ITGA1: variants seen among roughly 807,000 people sequenced by gnomAD.
The protein encoded by ITGA1 is integrin alpha-1.
In ITGA1, 85 loss-of-function variants were observed where a neutral mutation model predicts 145.9. That is an observed-to-expected ratio of 0.58 (90% CI 0.49 to 0.70). The LOEUF is 0.70. Among genes scored for constraint, ITGA1 ranks in the 30% least tolerant of loss-of-function variants. The pLI is 0.00. For missense variants in ITGA1, 1,351 were observed against 1,418.7 expected (o/e 0.95, Z 0.77); for synonymous variants, 520 against 495.3 (o/e 1.05, Z -0.66).
chr5:52,878,374 G>A (rs1049984424), intron 6 of ITGA1, among the ~76,000 whole-genome samples: 1 of 152,202 alleles, frequency 6.6e-6, no homozygotes, highest in Admixed American at 6.5e-5. Context: ...GGATGATAGA[G>A]ATGTAAAATT....
chr5:52,938,602 A>G (rs950154883), intron 24 of ITGA1, among the ~76,000 whole-genome samples: 19 of 152,238 alleles, frequency 1.2e-4, no homozygotes, highest in Admixed American at 3.9e-4. Flanking sequence ...TGTACTTTTC[A>G]TACTGCTTAG....
At chr5:52,844,533 G>A (rs1749305043) in intron 1 of ITGA1, among the ~76,000 whole-genome samples, 1 of 152,122 alleles carries the variant, frequency 6.6e-6, no homozygotes, top group African/African-American at 2.4e-5. Context: ...GCCTTCCCAA[G>A]CTTTCTTCTC....
chr5:52,903,321 A>G (rs1369114663), intron 11 of ITGA1: 1 of 152,146 alleles, frequency 6.6e-6, no homozygotes, highest in African/African-American at 2.4e-5. Context: ...CATTTTGCAC[A>G]TTCTTCTTTT....
At chr5:52,800,786 C>G in intron 1 of ITGA1, 1 of 1,613,616 alleles carries the variant, frequency 6.2e-7, no homozygotes, top group Non-Finnish European at 8.5e-7. Context: ...GCCTGTGACC[C>G]AGCCTGGAGC....
chr5:52,951,428 A>G lies in ITGA1; in HGVS notation c.3496-979A>G, dbSNP rs1369725075. Among the ~76,000 whole-genome samples the G allele has an allele frequency of 2.0e-5, 3 of 150,496 alleles. No homozygotes were observed. The East Asian group carries it at 5.8e-4, about 29-fold the overall frequency. The stretch of plus-strand genomic sequence containing the variant: ...GTTTTGTTATTCTATAGGATGGGAA[A>G]CAATTGCAGCACTTATAACTTTTTA... On this transcript the variant is annotated intron_variant, in intron 28 of 28. Transcript: ENST00000282588.
At chr5:52,887,447 G>A (rs1289428955) in intron 7 of ITGA1, among the ~76,000 whole-genome samples, 1 of 152,142 alleles carries the variant, frequency 6.6e-6, no homozygotes, top group African/African-American at 2.4e-5. Flanking sequence ...TGTTAAATGA[G>A]AGAAGGGGTG....
At chr5:52,901,015 C>A in intron 11 of ITGA1, among the ~76,000 whole-genome samples, 1 of 152,320 alleles carries the variant, frequency 6.6e-6, no homozygotes, top group Admixed American at 6.5e-5. Flanking sequence ...TGGACCCATA[C>A]TTTGCATGGC....
chr5:52,872,432 A>T (rs1380289825), intron 6 of ITGA1, among the ~76,000 whole-genome samples: 1 of 152,092 alleles, frequency 6.6e-6, no homozygotes, highest in Non-Finnish European at 1.5e-5. Context: ...ACATTTCCCT[A>T]ATAACAAACA....
chr5:52,870,671 C>T (rs1285413179), intron 6 of ITGA1, among the ~76,000 whole-genome samples: 4 of 152,142 alleles, frequency 2.6e-5, no homozygotes, highest in African/African-American at 9.7e-5. Context: ...CAGCCTGCAT[C>T]CCCAGAGATT....
Position 52,947,207 on chromosome 5 carries a change from A to C in ITGA1, c.3379-138A>C. The C allele has an allele frequency of 3.5e-6, 2 of 573,706 alleles. 1 individual carries two copies. The highest frequency in any genetic ancestry group is 4.4e-5 in the South Asian group (2 of 45,116). The allele number at this position is 573,706 out of a possible 1,614,324, so 35.5% of individuals were successfully genotyped here. On this transcript the variant is annotated intron_variant, in intron 27 of 28. Coordinates refer to ENST00000282588, the MANE Select transcript of ITGA1 (RefSeq NM_181501.2). ...TTAGACTAGATGAAGAGCATTTTCT[A>C]ATGTAAATCTAATGTTTTCTCATTA...
chr5:52,837,828 A>C (rs1381837751), intron 1 of ITGA1, among the ~76,000 whole-genome samples: 1 of 152,168 alleles, frequency 6.6e-6, no homozygotes, highest in Admixed American at 6.5e-5. Flanking sequence ...TAGCAACAGC[A>C]ATTATAACTA....
chr5:52,881,520 T>C (rs1247447601), intron 6 of ITGA1, among the ~76,000 whole-genome samples: 1 of 152,216 alleles, frequency 6.6e-6, no homozygotes, highest in Non-Finnish European at 1.5e-5. Context: ...AATGATCACG[T>C]GTTTAATCTC....
chr5:52,921,477 T>C (rs1236425818), intron 17 of ITGA1, among the ~76,000 whole-genome samples: 1 of 152,152 alleles, frequency 6.6e-6, no homozygotes, highest in East Asian at 1.9e-4. Context: ...CCAAGATCAA[T>C]CTATTATTTG....
At chr5:52,844,657 T>A (rs965124505) in intron 1 of ITGA1, among the ~76,000 whole-genome samples, 2 of 152,132 alleles carry the variant, frequency 1.3e-5, no homozygotes, top group African/African-American at 4.8e-5. Flanking sequence ...AGGGGAAAAA[T>A]TACTGGTTTT....
At chr5:52,908,477 C>G (rs1159891308) in intron 12 of ITGA1, among the ~76,000 whole-genome samples, 1 of 152,208 alleles carries the variant, frequency 6.6e-6, no homozygotes, top group Admixed American at 6.5e-5. Flanking sequence ...TATGCCACAC[C>G]AGTATTCCAG....
In ITGA1 at chr5:52,929,624, G is replaced by T; in HGVS notation, c.2695-1G>T. 1 of 1,467,588 alleles carries T rather than the reference G, an allele frequency of 6.8e-7. No homozygotes were observed. Among genetic ancestry groups the T allele is most frequent in the South Asian group, 1.2e-5 (1 of 84,774 alleles). 90.9% of individuals were successfully genotyped at this position (1,467,588 alleles called of 1,614,324 possible). On this transcript the variant is annotated splice_acceptor_variant, in intron 20 of 28. Coordinates refer to ENST00000282588, the MANE Select transcript of ITGA1 (RefSeq NM_181501.2). LOFTEE classifies it high-confidence loss of function. ...ACTAAAGACATATTTTTATTTTATA[G>T]GTAACTTTCAAAATATTGTTTCAGT...
At chr5:52,909,116 T>C in intron 13 of ITGA1, 75 bp downstream of exon 13, 1 of 1,444,408 alleles carries the variant, frequency 6.9e-7, no homozygotes, top group Non-Finnish European at 9.4e-7. Context: ...TAAATTCCAA[T>C]TTTTCACTCA....
chr5:52,817,082 AT>A (rs2111696213), intron 1 of ITGA1, among the ~76,000 whole-genome samples: 1 of 152,328 alleles, frequency 6.6e-6, no homozygotes, highest in South Asian at 2.1e-4. Flanking sequence ...AAAGCTTTCA[AT>A]GCTATCCACT....
chr5:52,949,496 G>A (rs1486374427), intron 28 of ITGA1, among the ~76,000 whole-genome samples: 1 of 152,114 alleles, frequency 6.6e-6, no homozygotes, highest in Non-Finnish European at 1.5e-5. Context: ...GGACATTAAA[G>A]CAAAGGGAGG....
Sources: allele counts gnomAD v4.1 joint callset (sites outside exome capture counted in the v4.1 genomes callset), GRCh38; gene constraint gnomAD v4.1.1; transcripts MANE v1.5; gene names NCBI Gene and HGNC (gene_info 2026-07-23, HGNC 2026-07-21).